TSTD2: variants seen among roughly 807,000 people sequenced by gnomAD.
TSTD2 encodes the protein thiosulfate sulfurtransferase like domain containing 2, also known as thiosulfate sulfurtransferase/rhodanese-like domain-containing protein 2.
TSTD2 carries 37 observed loss-of-function variants against 47.9 expected under a neutral mutation model. That is an observed-to-expected ratio of 0.77 (90% CI 0.59 to 1.02). The LOEUF (loss-of-function observed/expected upper bound fraction) is 1.02, where lower values mean the gene tolerates loss of function less well. Among genes scored for constraint, TSTD2 ranks in the 50% least tolerant of loss-of-function variants. TSTD2 has a pLI of 0.00. For synonymous variants in TSTD2, 201 were observed against 215.9 expected, an observed-to-expected ratio of 0.93 and a Z score of 0.61; for missense variants, 586 against 616.0, an observed-to-expected ratio of 0.95 and a Z score of 0.52.
At chr9:97,613,673 T>C (rs565950800) in intron 4 of TSTD2, among the ~76,000 whole-genome samples, 50 of 152,204 alleles carry the variant, frequency 3.3e-4, no homozygotes, top group African/African-American at 1.1e-3. Flanking sequence ...CATGGCACTG[T>C]CTGGAAAAAG....
chr9:97,627,115 A>C (rs1826734850), intron 2 of TSTD2, among the ~76,000 whole-genome samples: 1 of 151,770 alleles, frequency 6.6e-6, no homozygotes, highest in South Asian at 2.1e-4. Context: ...TTCACTTGTC[A>C]TTTGGTTTTC....
Position 97,600,164 on chromosome 9 carries a change from C to A in TSTD2, c.*2305G>T, listed in dbSNP as rs1284109082. The A allele has an allele frequency of 1.0e-6, 1 of 997,626 alleles. No individual in the cohort carries two copies. The highest frequency in any genetic ancestry group is 1.2e-6 in the Non-Finnish European group (1 of 836,012). 61.8% of individuals were successfully genotyped at this position (997,626 alleles called of 1,614,324 possible). On this transcript the variant is annotated 3_prime_UTR_variant, in exon 10 of 10. Coordinates refer to ENST00000341170, the MANE Select transcript of TSTD2 (RefSeq NM_139246.5). ...AACTGATTATCATTCTTTATTAACC[C>A]TCCTTGGAATTTTGAAAACCTCGAT... is the stretch of plus-strand genomic sequence containing the variant.
chr9:97,605,706 T>C, intron 7 of TSTD2, 65 bp from the exon 8 acceptor site: 1 of 1,602,004 alleles, frequency 6.2e-7, no homozygotes, highest in Non-Finnish European at 8.5e-7. Flanking sequence ...ACAAAGGTTC[T>C]TTTTGTACCC....
intron 3 of TSTD2, among the ~76,000 whole-genome samples, chr9:97,625,007 CA>C (rs1269898034): frequency 6.6e-6 from 1 of 152,114 alleles, no homozygotes; most frequent in Non-Finnish European, 1.5e-5. Context: ...GTGAAATACA[CA>C]GATCTTAAGT....
intron 3 of TSTD2, among the ~76,000 whole-genome samples, chr9:97,624,195 A>C (rs1468033087): frequency 1.3e-5 from 2 of 152,174 alleles, no homozygotes; most frequent in Admixed American, 1.3e-4. Context: ...CGTGACCAAT[A>C]GCATCAATAA....
chr9:97,618,017 C>T (rs1180180444), intron 3 of TSTD2, 140 bp from the exon 4 acceptor site: 3 of 1,180,582 alleles, frequency 2.5e-6, no homozygotes, highest in Non-Finnish European at 3.4e-6. Flanking sequence ...TGATTGTTCT[C>T]CTCCTGAAAT....
intron 4 of TSTD2, among the ~76,000 whole-genome samples, chr9:97,615,251 A>T (rs1221102791): frequency 2.0e-5 from 3 of 152,248 alleles, no homozygotes; most frequent in Non-Finnish European, 4.4e-5. Context: ...ACTGAGAAGA[A>T]CAATCATTAG....
intron 1 of TSTD2, among the ~76,000 whole-genome samples, chr9:97,628,400 A>G (rs149416172): frequency 6.6e-6 from 1 of 152,266 alleles, no homozygotes; most frequent in African/African-American, 2.4e-5. Flanking sequence ...GAACATGGGC[A>G]AGCTACTTAA....
At chr9:97,612,338 T>G (rs1002274797) in intron 4 of TSTD2, among the ~76,000 whole-genome samples, 1 of 152,220 alleles carries the variant, frequency 6.6e-6, no homozygotes, top group Non-Finnish European at 1.5e-5. Context: ...ACAGAACAAT[T>G]TATATTCTTT....
chr9:97,610,421 C>A lies in TSTD2; in HGVS notation c.760G>T (p.Glu254Ter). ...TSKGGAHCFP[E>*]LRVGVFEEIV... The stretch of plus-strand genomic sequence containing the variant: ...TCTTCAAATACACCAACACGCAATT[C>A]TGGAAAACAGTGAGCTCCTCCTTTG... Residue 254 changes from glutamate (E) to a stop codon, truncating the protein, a stop_gained, in exon 6 of 10, where the codon GAA becomes TAA. Transcript: ENST00000341170. LOFTEE classifies it high-confidence loss of function. 2 of 1,586,714 alleles carry A rather than the reference C, an allele frequency of 1.3e-6. No individual in the cohort carries two copies. Among genetic ancestry groups the A allele is most frequent in the Non-Finnish European group, 8.6e-7 (1 of 1,168,564 alleles).
intron 1 of TSTD2, among the ~76,000 whole-genome samples, chr9:97,629,774 A>G (rs116003922): frequency 0.011 from 1,663 of 152,122 alleles, 21 homozygotes; most frequent in African/African-American, 0.037. Flanking sequence ...AATTCATTCA[A>G]CAAATATTTA....
At chr9:97,605,673 T>G (rs1158304658) in intron 7 of TSTD2, 32 bp from the exon 8 acceptor site, 1 of 1,613,752 alleles carries the variant, frequency 6.2e-7, no homozygotes, top group East Asian at 2.2e-5. Flanking sequence ...AGGAAAATTA[T>G]CAGAAAAACA....
At chr9:97,605,387 G>C in intron 8 of TSTD2, 96 bp downstream of exon 8, 1 of 1,476,050 alleles carries the variant, frequency 6.8e-7, no homozygotes, top group Non-Finnish European at 9.2e-7. Context: ...GCCTGGGGGT[G>C]GGGAGTACTG....
In TSTD2 at chr9:97,617,835, G is replaced by A. The variant is rs1826571149; in HGVS notation, c.525C>T (p.Cys175=). The A allele has an allele frequency of 1.2e-6, 2 of 1,614,110 alleles. No homozygotes were observed. ...SEEGEVLLYY[C]YHDLEDPQWI... ...ATTGGGGATCCTCCAGGTCATGGTAGCAGTAATAAAGGAGCACCTCCCCTT... is the reference window on the plus strand; with the variant it reads ...ATTGGGGATCCTCCAGGTCATGGTAACAGTAATAAAGGAGCACCTCCCCTT... Residue 175 remains cysteine, a synonymous_variant, in exon 4 of 10, where the codon TGC becomes TGT. Transcript: ENST00000341170.
intron 6 of TSTD2, among the ~76,000 whole-genome samples, chr9:97,606,800 T>TA (rs1826372641): frequency 6.6e-6 from 1 of 152,166 alleles, no homozygotes; most frequent in Non-Finnish European, 1.5e-5. Flanking sequence ...TTGGAATAGA[T>TA]ACATTTTTAA....
At chr9:97,627,306 C>A in intron 2 of TSTD2, 92 bp downstream of exon 2, 1 of 1,483,702 alleles carries the variant, frequency 6.7e-7, no homozygotes, top group South Asian at 1.4e-5. Flanking sequence ...TAGACTTTAC[C>A]TTGAGCTGGA....
chr9:97,629,196 T>G, intron 1 of TSTD2, among the ~76,000 whole-genome samples: 1 of 152,186 alleles, frequency 6.6e-6, no homozygotes, highest in East Asian at 1.9e-4. Context: ...TGACAAACTT[T>G]GCCAATTCAC....
rs200931295 is a variant in TSTD2, at chr9:97,627,541, C to A, written c.22G>T (p.Asp8Tyr). 3 of 1,609,788 alleles carry A rather than the reference C, an allele frequency of 1.9e-6. No individual in the cohort carries two copies. The South Asian group carries it at 3.3e-5, about 18-fold the overall frequency. Residue 8 changes from aspartate to tyrosine, a missense_variant, in exon 2 of 10, where the codon GAC (aspartate) becomes TAC (tyrosine). By Grantham distance (160) the Asp-to-Tyr change is radical. Transcript: ENST00000341170. The stretch of plus-strand genomic sequence containing the variant: ...CAGTTCTCCAGGTCATCTCCTTGGT[C>A]TGGTGAAGTGGAAGAAGGCATCTGG... MPSSTSP[D>Y]QGDDLENCIL...
intron 5 of TSTD2, chr9:97,610,878 G>A (rs973779380): frequency 6.5e-6 from 1 of 152,822 alleles, no homozygotes; most frequent in Non-Finnish European, 1.5e-5. Flanking sequence ...TCCCCCATGT[G>A]GTATGAAGTG....
Sources: gnomAD v4.1 joint callset for allele counts (sites outside exome capture counted in the v4.1 genomes callset) on GRCh38, gnomAD v4.1.1 for gene constraint, MANE v1.5 for transcripts, NCBI Gene and HGNC (gene_info 2026-07-23, HGNC 2026-07-21) for gene names.